The following PREX2 variants were observed in gnomAD, a reference collection of about 807,000 sequenced individuals.
The protein encoded by PREX2 is phosphatidylinositol-3,4,5-trisphosphate dependent Rac exchange factor 2, also known as phosphatidylinositol 3,4,5-trisphosphate-dependent Rac exchanger 2 protein.
Under a neutral mutation model 203.2 loss-of-function variants are expected in PREX2, and 107 were observed. The observed-to-expected ratio is 0.53, with a 90% confidence interval of 0.45 to 0.62. PREX2 has a LOEUF of 0.62. PREX2 is among the 20% of genes least tolerant of loss of function. The pLI is 0.00. For missense variants in PREX2, 1,777 were observed against 1,955.9 expected (o/e 0.91, Z 1.72); for synonymous variants, 672 against 663.6 (o/e 1.01, Z -0.19).
chr8:68,223,122 C>A (rs563596176), intron 38 of PREX2, among the ~76,000 whole-genome samples: 21 of 152,078 alleles, frequency 1.4e-4, no homozygotes, highest in Non-Finnish European at 2.6e-4. Flanking sequence ...GAACAAGATG[C>A]GCAGTTTAGT....
chr8:68,097,027 C>T lies in PREX2; in HGVS notation c.2379C>T (p.Asp793=). 3.7e-6 allele frequency: 6 copies of T among 1,613,300 alleles called. No homozygotes were observed. Among genetic ancestry groups the T allele is most frequent in the Non-Finnish European group, 5.1e-6 (6 of 1,179,488 alleles). ...AFDCKVEEVI[D]KFNTMAIIDG... ...TTGTCTTTGTTCCAGAGGTTATTGA[C>T]AAATTCAACACTATGGCCATCATTG... The change falls in exon 22 of 40, where the codon GAC becomes GAT. Residue 793 remains aspartate, a synonymous_variant. Coordinates refer to ENST00000288368, the MANE Select transcript of PREX2 (RefSeq NM_024870.4).
chr8:68,135,099 T>TTGTGTGTGTGTGTGTGTG (rs9298129), intron 32 of PREX2, among the ~76,000 whole-genome samples: 47 of 148,900 alleles, frequency 3.2e-4, no homozygotes, highest in African/African-American at 1.0e-3. Flanking sequence ...AAAACAAATT[T>TTGTGTGTGTGTGTGTGTG]TGTGTGTGTG....
intron 1 of PREX2, among the ~76,000 whole-genome samples, chr8:67,995,214 A>T (rs1033001177): frequency 1.3e-5 from 2 of 152,142 alleles, no homozygotes; most frequent in African/African-American, 4.8e-5. Context: ...TTGAGTTTTC[A>T]TGATTACATT....
At chr8:68,143,514 C>T (rs1165624336) in intron 33 of PREX2, among the ~76,000 whole-genome samples, 3 of 151,974 alleles carry the variant, frequency 2.0e-5, no homozygotes, top group Non-Finnish European at 4.4e-5. Context: ...CTCACTCAGA[C>T]ATTTTTATGG....
intron 35 of PREX2, among the ~76,000 whole-genome samples, chr8:68,164,801 C>G (rs184060828): frequency 6.6e-6 from 1 of 151,286 alleles, no homozygotes; most frequent in Non-Finnish European, 1.5e-5. Flanking sequence ...AGGCTGGTCT[C>G]GAACTCCCAA....
intron 37 of PREX2, among the ~76,000 whole-genome samples, chr8:68,209,280 T>C (rs980909990): frequency 7.9e-5 from 12 of 152,112 alleles, no homozygotes; most frequent in East Asian, 3.9e-4. Flanking sequence ...TAAAGTATCA[T>C]AGACAACCAC....
chr8:67,977,770 C>G (rs1005994948), intron 1 of PREX2, among the ~76,000 whole-genome samples: 1 of 152,106 alleles, frequency 6.6e-6, no homozygotes, highest in Admixed American at 6.6e-5. Context: ...TCCATAAAAA[C>G]CCCAAAGTAC....
chr8:68,075,923 G>A (rs1200979604), intron 14 of PREX2, among the ~76,000 whole-genome samples: 2 of 152,100 alleles, frequency 1.3e-5, no homozygotes, highest in East Asian at 3.9e-4. Flanking sequence ...GAAGGGCATT[G>A]CAGCTATGAA....
intron 32 of PREX2, among the ~76,000 whole-genome samples, chr8:68,137,792 C>T (rs1435574622): frequency 6.6e-6 from 1 of 152,078 alleles, no homozygotes; most frequent in Non-Finnish European, 1.5e-5. Flanking sequence ...AAACTATATG[C>T]TATAAGAATG....
chr8:68,105,811 C>CTT (rs1810395207), intron 23 of PREX2: 1 of 154,952 alleles, frequency 6.5e-6, no homozygotes, highest in Non-Finnish European at 1.4e-5. Flanking sequence ...TTTGGCTCTA[C>CTT]TTTTTCTATG....
intron 35 of PREX2, among the ~76,000 whole-genome samples, chr8:68,166,223 T>A (rs1420355829): frequency 1.3e-5 from 2 of 151,894 alleles, no homozygotes; most frequent in Non-Finnish European, 2.9e-5. Context: ...GACTGGGAGG[T>A]CTGAATTCAG....
At chr8:67,983,506 C>G (rs1806329116) in intron 1 of PREX2, among the ~76,000 whole-genome samples, 1 of 152,146 alleles carries the variant, frequency 6.6e-6, no homozygotes, top group African/African-American at 2.4e-5. Flanking sequence ...AGATAAGTTC[C>G]CAACTGTGCC....
At chr8:68,030,969 T>C (rs1166954191) in intron 6 of PREX2, among the ~76,000 whole-genome samples, 3 of 152,252 alleles carry the variant, frequency 2.0e-5, no homozygotes, top group African/African-American at 2.4e-5. Context: ...TGGCCATAAG[T>C]ACATAGCCTG....
chr8:68,166,014 C>T (rs934581377), intron 35 of PREX2, among the ~76,000 whole-genome samples: 1 of 152,194 alleles, frequency 6.6e-6, no homozygotes, highest in Non-Finnish European at 1.5e-5. Flanking sequence ...GCAATCCTTA[C>T]CCAAACCTCT....
At chr8:68,038,834 C>T (rs79556590) in intron 7 of PREX2, among the ~76,000 whole-genome samples, 2,567 of 152,216 alleles carry the variant, frequency 0.017, 53 homozygotes, top group African/African-American at 0.055. Flanking sequence ...GTGTTCAAAA[C>T]TCACATGGAT....
chr8:68,197,722 G>A (rs1296067229), intron 37 of PREX2, among the ~76,000 whole-genome samples: 1 of 146,806 alleles, frequency 6.8e-6, no homozygotes, highest in Non-Finnish European at 1.5e-5. Flanking sequence ...TATAATCTAT[G>A]CTATATATAC....
At chr8:68,042,607 T>G (rs1419686030) in intron 7 of PREX2, among the ~76,000 whole-genome samples, 1 of 152,132 alleles carries the variant, frequency 6.6e-6, no homozygotes, top group Non-Finnish European at 1.5e-5. Flanking sequence ...TTGTATACAT[T>G]CTTGTATATG....
intron 1 of PREX2, among the ~76,000 whole-genome samples, chr8:67,990,995 A>G (rs971405700): frequency 2.0e-5 from 3 of 152,156 alleles, no homozygotes; most frequent in Non-Finnish European, 4.4e-5. Context: ...AGCTTCCCAG[A>G]GGTCACAGCT....
intron 33 of PREX2, among the ~76,000 whole-genome samples, chr8:68,140,445 C>T (rs1438940747): frequency 1.3e-5 from 2 of 152,200 alleles, no homozygotes; most frequent in Non-Finnish European, 2.9e-5. Context: ...GAGGTCATCA[C>T]ATCTTATTTA....
Sources: allele counts gnomAD v4.1 joint callset (sites outside exome capture counted in the v4.1 genomes callset), GRCh38; gene constraint gnomAD v4.1.1; transcripts MANE v1.5; gene names NCBI Gene and HGNC (gene_info 2026-07-23, HGNC 2026-07-21).